Variants in NAALADL2 observed in about 807,000 individuals in gnomAD.
NAALADL2 encodes inactive N-acetylated-alpha-linked acidic dipeptidase-like protein 2.
NAALADL2 carries 76 observed loss-of-function variants against 87.2 expected under a neutral mutation model. The ratio of observed to expected loss-of-function variants is 0.87; its 90% confidence interval spans 0.72 to 1.05. NAALADL2 has a LOEUF of 1.05. Among genes scored for constraint, NAALADL2 ranks in the 50% least tolerant of loss-of-function variants. The pLI is 0.00. For missense variants in NAALADL2, 1,089 were observed against 945.8 expected (o/e 1.15, Z -1.99); for synonymous variants, 354 against 331.0 (o/e 1.07, Z -0.75).
At chr3:175,716,115 T>C (rs1377242453) in intron 11 of NAALADL2, among the ~76,000 whole-genome samples, 1 of 147,640 alleles carries the variant, frequency 6.8e-6, no homozygotes, top group Non-Finnish European at 1.5e-5. Flanking sequence ...ATATGATATA[T>C]GTAATTTATT....
intron 3 of NAALADL2, chr3:175,234,796 C>T (rs1055541232): frequency 6.6e-6 from 1 of 151,956 alleles, no homozygotes; most frequent in Admixed American, 6.6e-5. Flanking sequence ...TAAATCTCAG[C>T]TCCCCAGTTA....
At chr3:175,348,689 GT>G (rs1763416290) in intron 5 of NAALADL2, among the ~76,000 whole-genome samples, 1 of 152,052 alleles carries the variant, frequency 6.6e-6, no homozygotes, top group African/African-American at 2.4e-5. Flanking sequence ...GGTCTCTATG[GT>G]TTTTCTTTAA....
chr3:175,294,156 A>T (rs1756010191), intron 4 of NAALADL2, among the ~76,000 whole-genome samples: 1 of 152,242 alleles, frequency 6.6e-6, no homozygotes, highest in Non-Finnish European at 1.5e-5. Flanking sequence ...GAATATAGCC[A>T]GTAAAGCAGA....
chr3:174,922,139 T>C (rs1396097046), intron 1 of NAALADL2, among the ~76,000 whole-genome samples: 1 of 151,738 alleles, frequency 6.6e-6, no homozygotes, highest in Non-Finnish European at 1.5e-5. Context: ...AACCCCATCT[T>C]TACAAAAAAT....
chr3:175,159,158 T>C (rs1022033272), intron 2 of NAALADL2, among the ~76,000 whole-genome samples: 2 of 152,196 alleles, frequency 1.3e-5, no homozygotes, highest in Non-Finnish European at 2.9e-5. Context: ...TTTAGATGAA[T>C]GTGTTCTCAA....
chr3:174,940,964 C>G (rs527243397), intron 1 of NAALADL2, among the ~76,000 whole-genome samples: 14 of 152,146 alleles, frequency 9.2e-5, no homozygotes, highest in African/African-American at 3.4e-4. Context: ...CTCCTGGATT[C>G]ATTGATCTAT....
At chr3:174,509,651 C>A (rs113636053) in intron 1 of NAALADL2, among the ~76,000 whole-genome samples, 1 of 134,612 alleles carries the variant, frequency 7.4e-6, no homozygotes, top group Admixed American at 8.6e-5. Flanking sequence ...TGGTCTTGAT[C>A]TCCTGACCTC....
chr3:174,927,475 A>G (rs1407270893), intron 1 of NAALADL2, among the ~76,000 whole-genome samples: 1 of 152,222 alleles, frequency 6.6e-6, no homozygotes, highest in Non-Finnish European at 1.5e-5. Context: ...ACTCCTCAGC[A>G]AATGTAAAAG....
At chr3:174,697,909 G>A (rs1729181275) in intron 2 of NAALADL2, among the ~76,000 whole-genome samples, 1 of 152,024 alleles carries the variant, frequency 6.6e-6, no homozygotes, top group Non-Finnish European at 1.5e-5. Flanking sequence ...GGCCAATGTG[G>A]TGAAACCCGG....
At chr3:175,600,373 A>G in intron 10 of NAALADL2, among the ~76,000 whole-genome samples, 1 of 151,968 alleles carries the variant, frequency 6.6e-6, no homozygotes, top group East Asian at 1.9e-4. Context: ...ATAAACTATC[A>G]GTGAAAAGTA....
At chr3:174,843,672 C>T (rs897432802) in intron 3 of NAALADL2, among the ~76,000 whole-genome samples, 1 of 152,024 alleles carries the variant, frequency 6.6e-6, no homozygotes, top group Admixed American at 6.6e-5. Context: ...TGTAAGTGTT[C>T]CCTTTCTCCA....
chr3:174,511,526 C>T (rs538348359), intron 1 of NAALADL2, among the ~76,000 whole-genome samples: 1 of 151,624 alleles, frequency 6.6e-6, no homozygotes, highest in Non-Finnish European at 1.5e-5. Flanking sequence ...TCAGCCTTTA[C>T]TTTTAATCTA....
chr3:174,494,388 A>G (rs1718387161), intron 1 of NAALADL2, among the ~76,000 whole-genome samples: 1 of 151,160 alleles, frequency 6.6e-6, no homozygotes, highest in African/African-American at 2.4e-5. Context: ...GTTTTCAAAC[A>G]CCGCATGTTC....
chr3:174,742,693 TG>T (rs1175601152), intron 3 of NAALADL2, among the ~76,000 whole-genome samples: 1 of 151,700 alleles, frequency 6.6e-6, no homozygotes, highest in Non-Finnish European at 1.5e-5. Flanking sequence ...ATTAAACAAA[TG>T]ACATGTGTGA....
rs1420222682 is a variant in NAALADL2, at chr3:174,609,818, A to G, written c.-115+59181A>G. 4.6e-5 allele frequency among the ~76,000 whole-genome samples: 7 copies of G among 152,228 alleles called. No individual in the cohort carries two copies. The East Asian group carries it at 5.8e-4, about 13-fold the overall frequency. Reference sequence around the variant, plus strand: ...TCACAGAATTGGAAAAAACTACTTTAAGTTCATATGGAACCAAAAAAGAGC... The same window carrying G: ...TCACAGAATTGGAAAAAACTACTTTGAGTTCATATGGAACCAAAAAAGAGC... On this transcript the variant is annotated intron_variant, in intron 2 of 3. Coordinates refer to the NAALADL2 transcript ENST00000434257.
At position 174,842,282 on chromosome 3, in the gene NAALADL2, C is replaced by A. The variant is rs539507807; in HGVS notation, c.-9+104536C>A. ...GTCAGGCTGGTCTCGAACTCCTGGCCTCAGGTGATCCACTCACCTCGGCCT... is the reference window on the plus strand; with the variant it reads ...GTCAGGCTGGTCTCGAACTCCTGGCATCAGGTGATCCACTCACCTCGGCCT... On this transcript the variant is annotated intron_variant, in intron 3 of 3. Transcript: ENST00000434257. Among the ~76,000 whole-genome samples, 6 of 152,220 alleles carry A rather than the reference C, an allele frequency of 3.9e-5. No individual in the cohort carries two copies. In the South Asian group the frequency reaches 1.2e-3, roughly 32 times the overall value.
At chr3:175,801,989 TAATGAA>T (rs1754209400) in intron 13 of NAALADL2, among the ~76,000 whole-genome samples, 1 of 152,114 alleles carries the variant, frequency 6.6e-6, no homozygotes, top group Non-Finnish European at 1.5e-5. Flanking sequence ...GAGAACAGTG[TAATGAA>T]TTATATTACC....
intron 2 of NAALADL2, among the ~76,000 whole-genome samples, chr3:174,582,145 T>G (rs1322090127): frequency 6.6e-6 from 1 of 152,158 alleles, no homozygotes; most frequent in Non-Finnish European, 1.5e-5. Flanking sequence ...GTATAAAAGA[T>G]TATCCTTTGG....
intron 1 of NAALADL2, among the ~76,000 whole-genome samples, chr3:174,911,625 A>G (rs1522995): frequency 0.93 from 141,279 of 152,106 alleles, 65,801 homozygotes; most frequent in East Asian, 1. Context: ...AAAGCCCAAA[A>G]GTCACAAGAG....
Sources: allele counts gnomAD v4.1 joint callset (sites outside exome capture counted in the v4.1 genomes callset), GRCh38; gene constraint gnomAD v4.1.1; transcripts MANE v1.5; gene names NCBI Gene and HGNC (gene_info 2026-07-23, HGNC 2026-07-21).